The following TRAPPC12 variants were observed in gnomAD, a reference collection of about 807,000 sequenced individuals.
TRAPPC12 encodes TPR repeat protein 15.
A neutral mutation model predicts 69.2 loss-of-function variants in TRAPPC12; 61 were observed. That is an observed-to-expected ratio of 0.88 (90% CI 0.72 to 1.09). The LOEUF (loss-of-function observed/expected upper bound fraction) is 1.09, where lower values mean the gene tolerates loss of function less well. Among genes scored for constraint, TRAPPC12 ranks in the 50% least tolerant of loss-of-function variants. The pLI, the probability that TRAPPC12 is intolerant of heterozygous loss-of-function variation, is 0.00. For synonymous variants in TRAPPC12, 469 were observed against 438.9 expected, an observed-to-expected ratio of 1.07 and a Z score of -0.86; for missense variants, 1,101 against 1,016.4, an observed-to-expected ratio of 1.08 and a Z score of -1.13.
At chr2:3,458,306 T>A (rs939519776) in intron 7 of TRAPPC12, 3 of 986,484 alleles carry the variant, frequency 3.0e-6, no homozygotes, top group African/African-American at 3.5e-5. Flanking sequence ...GCCTGAGTGC[T>A]CCCTCCCAGG....
intron 5 of TRAPPC12, among the ~76,000 whole-genome samples, chr2:3,427,337 A>G (rs7576437): frequency 6.6e-6 from 1 of 152,308 alleles, no homozygotes; most frequent in East Asian, 1.9e-4. Flanking sequence ...ACTGGGACTG[A>G]ACAGCTGGTT....
At position 3,388,539 on chromosome 2, in the gene TRAPPC12, A is replaced by T. The variant is rs1660635066; in HGVS notation, c.916A>T (p.Arg306Trp). 6.2e-7 allele frequency: 1 copy of T among 1,613,068 alleles called. No individual in the cohort carries two copies. Among genetic ancestry groups the T allele is most frequent in the African/African-American group, 1.3e-5 (1 of 75,038 alleles). The change falls in exon 2 of 12, where the codon AGG becomes TGG. Residue 306 changes from arginine (R) to tryptophan (W), a missense_variant. Arg to Trp is a moderately radical substitution (Grantham distance 101, BLOSUM62 -3). Coordinates refer to ENST00000324266, the MANE Select transcript of TRAPPC12 (RefSeq NM_016030.6). ...TALSMSEMDR[R>W]NDAWLPGEAT... ...CCTGAGCATGAGCGAGATGGACCGG[A>T]GGAACGACGCCTGGCTTCCCGGCGA...
At chr2:3,408,306 G>GTGTGC (rs1661843508) in intron 3 of TRAPPC12, among the ~76,000 whole-genome samples, 2 of 152,212 alleles carry the variant, frequency 1.3e-5, no homozygotes, top group Non-Finnish European at 2.9e-5. Context: ...TGATTCGAAC[G>GTGTGC]TGAATTGTCT....
intron 8 of TRAPPC12, chr2:3,462,816 G>A (rs567109791): frequency 9.1e-5 from 40 of 437,604 alleles, no homozygotes; most frequent in Non-Finnish European, 1.4e-4. Flanking sequence ...CCCCTCCCCC[G>A]GGTGCCCCTG....
At chr2:3,423,095 G>A (rs1269373698) in intron 4 of TRAPPC12, among the ~76,000 whole-genome samples, 6 of 152,132 alleles carry the variant, frequency 3.9e-5, no homozygotes, top group African/African-American at 1.4e-4. Context: ...CCAATATGGT[G>A]ACCTCCCTAG....
chr2:3,479,555 C>T lies in TRAPPC12; in HGVS notation c.*94C>T. 6.7e-7 allele frequency: 1 copy of T among 1,482,508 alleles called. No homozygotes were observed. Among genetic ancestry groups the T allele is most frequent in the South Asian group, 1.3e-5 (1 of 76,530 alleles). The allele number at this position is 1,482,508 out of a possible 1,614,324, so 91.8% of individuals were successfully genotyped here. ...TGTGACATGGAGGAACTCAATAAAACTCCTGCTTCACTGGTGTCTGCTGCG... is the reference window on the plus strand; with the variant it reads ...TGTGACATGGAGGAACTCAATAAAATTCCTGCTTCACTGGTGTCTGCTGCG... On this transcript the variant is annotated 3_prime_UTR_variant, in exon 12 of 12. Coordinates refer to ENST00000324266, the MANE Select transcript of TRAPPC12 (RefSeq NM_016030.6).
intron 8 of TRAPPC12, among the ~76,000 whole-genome samples, chr2:3,465,092 C>T (rs1336570722): frequency 3.3e-5 from 5 of 152,218 alleles, no homozygotes; most frequent in Admixed American, 1.3e-4. Context: ...ATCACATACT[C>T]AGCCTCAGCA....
intron 8 of TRAPPC12, among the ~76,000 whole-genome samples, chr2:3,464,607 G>A (rs1665707092): frequency 6.6e-6 from 1 of 152,218 alleles, no homozygotes; most frequent in Non-Finnish European, 1.5e-5. Flanking sequence ...AGAATGCAGG[G>A]GAGCATTTAG....
intron 3 of TRAPPC12, among the ~76,000 whole-genome samples, chr2:3,417,180 C>T (rs1019391734): frequency 1.3e-5 from 2 of 152,190 alleles, no homozygotes; most frequent in African/African-American, 4.8e-5. Context: ...TTGTAAAACC[C>T]AGCTCATCTG....
intron 3 of TRAPPC12, among the ~76,000 whole-genome samples, chr2:3,410,811 C>T (rs1382066023): frequency 6.6e-6 from 1 of 152,134 alleles, no homozygotes; most frequent in Non-Finnish European, 1.5e-5. Flanking sequence ...GCAGGCAGAT[C>T]ACGAGGTCAA....
At chr2:3,460,161 G>A (rs747594206) in intron 7 of TRAPPC12, 102 bp from the exon 8 acceptor site, 149 of 804,430 alleles carry the variant, frequency 1.9e-4, no homozygotes, top group Non-Finnish European at 2.6e-4. Context: ...TTAACAAGAG[G>A]GATCTTTTAA....
At chr2:3,449,105 C>T (rs1213413121) in intron 6 of TRAPPC12, 2 of 152,040 alleles carry the variant, frequency 1.3e-5, no homozygotes, top group Admixed American at 6.6e-5. Flanking sequence ...GAACATATAC[C>T]ACGAGTTAAA....
intron 4 of TRAPPC12, among the ~76,000 whole-genome samples, chr2:3,423,773 G>A (rs191109187): frequency 6.6e-6 from 1 of 152,322 alleles, no homozygotes; most frequent in East Asian, 1.9e-4. Context: ...CTTCTCATCA[G>A]TAAAGTCAGA....
At chr2:3,411,413 T>C (rs1366178052) in intron 3 of TRAPPC12, among the ~76,000 whole-genome samples, 1 of 152,178 alleles carries the variant, frequency 6.6e-6, no homozygotes, top group African/African-American at 2.4e-5. Flanking sequence ...AAACTCTTTT[T>C]TCCTCCCTTC....
Position 3,388,419 on chromosome 2 carries a change from C to G in TRAPPC12, c.796C>G (p.Arg266Gly), listed in dbSNP as rs1363491524. Reference sequence around the variant, plus strand: ...GGGGCGCCCCGAACCCGTGGCCATGCGAGGGCCCCAGGCAGCTGCGCCCCC... The same window carrying G: ...GGGGCGCCCCGAACCCGTGGCCATGGGAGGGCCCCAGGCAGCTGCGCCCCC... ...TEGRPEPVAM[R>G]GPQAAAPPAS... Residue 266 changes from arginine to glycine, a missense_variant, in exon 2 of 12, where the codon CGA becomes GGA. By Grantham distance (125) the Arg-to-Gly change is moderately radical. Transcript: ENST00000324266. The G allele has an allele frequency of 4.4e-6, 7 of 1,604,432 alleles. No homozygotes were observed. Among genetic ancestry groups the G allele is most frequent in the African/African-American group, 1.3e-5 (1 of 74,626 alleles).
intron 3 of TRAPPC12, among the ~76,000 whole-genome samples, chr2:3,415,408 T>G (rs988997694): frequency 3.9e-5 from 6 of 152,030 alleles, no homozygotes; most frequent in Admixed American, 1.3e-4. Context: ...TCTTTTCTTT[T>G]CTTTTCTTTT....
At chr2:3,395,074 G>A (rs777168934) in intron 2 of TRAPPC12, among the ~76,000 whole-genome samples, 24 of 152,202 alleles carry the variant, frequency 1.6e-4, no homozygotes, top group Non-Finnish European at 2.8e-4. Flanking sequence ...TACGATAAAT[G>A]TGCATTTAGC....
rs78248858 is a variant in TRAPPC12 at position 3,457,908 on chromosome 2, G to C, written c.1603+215G>C. The C allele has an allele frequency of 5.0e-4, 706 of 1,412,270 alleles. 3 individuals are homozygous for C. In the African/African-American group the frequency reaches 9.5e-3, roughly 19 times the overall value. The allele number at this position is 1,412,270 out of a possible 1,614,324, so 87.5% of individuals were successfully genotyped here. On this transcript the variant is annotated intron_variant, in intron 7 of 11. Coordinates refer to ENST00000324266, the MANE Select transcript of TRAPPC12 (RefSeq NM_016030.6). ...ACGTGCAGCCTCAGACCCGAACCCT[G>C]CGCCCGGGGAGAAGACACGCCTTCA...
intron 5 of TRAPPC12, among the ~76,000 whole-genome samples, chr2:3,442,918 G>T (rs1486275587): frequency 1.3e-5 from 2 of 152,214 alleles, no homozygotes; most frequent in South Asian, 4.1e-4. Flanking sequence ...CTATGTGATT[G>T]CCCTCTGGCA....
Sources: gnomAD v4.1 joint callset for allele counts (sites outside exome capture counted in the v4.1 genomes callset) on GRCh38, gnomAD v4.1.1 for gene constraint, MANE v1.5 for transcripts, NCBI Gene and HGNC (gene_info 2026-07-23, HGNC 2026-07-21) for gene names.